ARID1B: variants seen among roughly 807,000 people sequenced by gnomAD.
ARID1B encodes the protein AT-rich interaction domain 1B.
ARID1B carries 30 observed loss-of-function variants against 212.3 expected under a neutral mutation model. The ratio of observed to expected loss-of-function variants is 0.14; its 90% CI spans 0.11 to 0.19. ARID1B has a LOEUF of 0.19. Ranked by LOEUF, ARID1B falls within the 10% of genes least tolerant of loss-of-function variation. The probability of loss-of-function intolerance (pLI) is 1.00; values close to 1 mark genes in which losing one functional copy is unlikely to be tolerated. For missense variants in ARID1B, 2,891 were observed against 3,204.0 expected, an observed-to-expected ratio of 0.90 and a Z score of 2.36; for synonymous variants, 1,402 against 1,301.7, an observed-to-expected ratio of 1.08 and a Z score of -1.66.
intron 1 of ARID1B, 98 bp downstream of exon 1, chr6:156,779,569 C>G (rs1457415617): frequency 6.3e-6 from 7 of 1,106,926 alleles, no homozygotes; most frequent in Non-Finnish European, 6.7e-6. Flanking sequence ...CCCGTCTTCC[C>G]GCGGGGGCGG....
At chr6:156,932,084 A>G (rs1791774188) in intron 3 of ARID1B, among the ~76,000 whole-genome samples, 1 of 139,138 alleles carries the variant, frequency 7.2e-6, no homozygotes, top group Non-Finnish European at 1.5e-5. Context: ...GTTAGAGGCT[A>G]CAGTGAGCTA....
At chr6:156,838,744 A>C (rs543072820) in intron 2 of ARID1B, among the ~76,000 whole-genome samples, 4 of 137,774 alleles carry the variant, frequency 2.9e-5, no homozygotes, top group African/African-American at 7.8e-5. Context: ...AACAAAAAAA[A>C]CCGCTCTAAG....
intron 2 of ARID1B, among the ~76,000 whole-genome samples, chr6:156,830,115 T>C (rs988491680): frequency 3.3e-5 from 5 of 152,220 alleles, no homozygotes; most frequent in African/African-American, 1.2e-4. Flanking sequence ...CCTAGTCTTT[T>C]GGATACTTGA....
Position 157,087,908 on chromosome 6 carries a change from T to C in ARID1B, c.2491+3003T>C, listed in dbSNP as rs551275735. On this transcript the variant is annotated intron_variant, in intron 5 of 19. Transcript: ENST00000636930. ...GACTGTACCCCAGAGATTAACAGAATTTCTACTGTTGTCTCTACACATGAA... is the reference window on the plus strand; with the variant it reads ...GACTGTACCCCAGAGATTAACAGAACTTCTACTGTTGTCTCTACACATGAA... Among the ~76,000 whole-genome samples the C allele has an allele frequency of 3.3e-5, 5 of 152,214 alleles. No individual in the cohort carries two copies. In the South Asian group the frequency reaches 8.3e-4, roughly 25 times the overall value.
At chr6:157,018,079 T>A (rs754483429) in intron 4 of ARID1B, among the ~76,000 whole-genome samples, 1 of 151,414 alleles carries the variant, frequency 6.6e-6, no homozygotes, top group African/African-American at 2.4e-5. Context: ...CTGCAGTGAG[T>A]CATGATAGTG....
At chr6:156,994,181 T>C (rs1323038442) in intron 4 of ARID1B, among the ~76,000 whole-genome samples, 1 of 152,234 alleles carries the variant, frequency 6.6e-6, no homozygotes, top group Non-Finnish European at 1.5e-5. Context: ...AAAAAGTTTT[T>C]TGCCCTTAAT....
intron 7 of ARID1B, among the ~76,000 whole-genome samples, chr6:157,146,104 G>A (rs774006197): frequency 5.3e-5 from 8 of 151,872 alleles, no homozygotes; most frequent in South Asian, 2.1e-4. Context: ...CACACACAGC[G>A]CCCCAGTGGC....
chr6:156,965,953 A>G (rs1162169504), intron 4 of ARID1B, among the ~76,000 whole-genome samples: 5 of 152,184 alleles, frequency 3.3e-5, no homozygotes, highest in Non-Finnish European at 5.9e-5. Flanking sequence ...GTGTATTTAC[A>G]TACCTGCTTT....
At chr6:156,836,995 AG>A (rs1452041829) in intron 2 of ARID1B, among the ~76,000 whole-genome samples, 1 of 152,202 alleles carries the variant, frequency 6.6e-6, no homozygotes, top group Non-Finnish European at 1.5e-5. Flanking sequence ...TTGTTATTTC[AG>A]CAGTCTTGTG....
At chr6:157,031,773 A>G (rs1017858782) in intron 4 of ARID1B, among the ~76,000 whole-genome samples, 5 of 152,112 alleles carry the variant, frequency 3.3e-5, no homozygotes, top group African/African-American at 7.2e-5. Flanking sequence ...AAAGTCAAAT[A>G]TATTAAAAGA....
At chr6:157,064,450 ATTC>A (rs891007426) in intron 4 of ARID1B, among the ~76,000 whole-genome samples, 4 of 152,320 alleles carry the variant, frequency 2.6e-5, no homozygotes, top group Admixed American at 6.5e-5. Context: ...ATACGGAAAC[ATTC>A]TTCTTAGTGT....
At chr6:157,100,380 C>T (rs1251239263) in intron 5 of ARID1B, among the ~76,000 whole-genome samples, 1 of 152,176 alleles carries the variant, frequency 6.6e-6, no homozygotes, top group Non-Finnish European at 1.5e-5. Context: ...AACTGTTAAC[C>T]GGAACCACTA....
chr6:157,089,130 G>A (rs1785127089), intron 5 of ARID1B, among the ~76,000 whole-genome samples: 1 of 152,166 alleles, frequency 6.6e-6, no homozygotes, highest in Admixed American at 6.5e-5. Flanking sequence ...GTAGCTGATA[G>A]CTGGGATGAA....
chr6:156,819,429 GGTTT>G (rs1246709958), intron 1 of ARID1B, among the ~76,000 whole-genome samples: 1 of 152,072 alleles, frequency 6.6e-6, no homozygotes, highest in African/African-American at 2.4e-5. Context: ...TATAGCCTTT[GGTTT>G]GTTCATAAAA....
chr6:157,083,406 G>A (rs769801941), intron 4 of ARID1B, among the ~76,000 whole-genome samples: 8 of 152,310 alleles, frequency 5.3e-5, no homozygotes, highest in Non-Finnish European at 1.2e-4. Flanking sequence ...TTGCAACGGG[G>A]ATGCACTGAG....
At chr6:156,903,551 AGGGAGTT>A (rs1789119524) in intron 3 of ARID1B, among the ~76,000 whole-genome samples, 1 of 152,234 alleles carries the variant, frequency 6.6e-6, no homozygotes, top group Non-Finnish European at 1.5e-5. Flanking sequence ...CCTGGATTTT[AGGGAGTT>A]GGATGGGAGA....
At chr6:157,025,142 G>C (rs1034529066) in intron 4 of ARID1B, among the ~76,000 whole-genome samples, 2 of 152,100 alleles carry the variant, frequency 1.3e-5, no homozygotes, top group African/African-American at 4.8e-5. Flanking sequence ...TCCTCCATAA[G>C]AAAAATGTAG....
intron 7 of ARID1B, among the ~76,000 whole-genome samples, chr6:157,133,482 T>C (rs908924396): frequency 2.6e-5 from 4 of 152,248 alleles, no homozygotes; most frequent in African/African-American, 9.6e-5. Context: ...GACCCCTATC[T>C]TCTGTGACGT....
At chr6:156,972,196 T>C (rs1417362776) in intron 4 of ARID1B, among the ~76,000 whole-genome samples, 1 of 152,232 alleles carries the variant, frequency 6.6e-6, no homozygotes, top group African/African-American at 2.4e-5. Context: ...GACATAATTC[T>C]GGAAGGAATT....
Sources: gnomAD v4.1 joint callset for allele counts (sites outside exome capture counted in the v4.1 genomes callset) on GRCh38, gnomAD v4.1.1 for gene constraint, MANE v1.5 for transcripts, NCBI Gene and HGNC (gene_info 2026-07-23, HGNC 2026-07-21) for gene names.